The following LRP1B variants were observed in gnomAD, a reference collection of about 807,000 sequenced individuals.
The protein encoded by LRP1B is low-density lipoprotein receptor-related protein 1B.
In LRP1B, 217 loss-of-function variants were observed where a neutral mutation model predicts 556.6. The ratio of observed to expected loss-of-function variants is 0.39; its 90% CI spans 0.35 to 0.44. The LOEUF is 0.44. Ranked by LOEUF, LRP1B falls within the 20% of genes least tolerant of loss-of-function variation. The pLI is 1.00. For missense variants in LRP1B, 5,053 were observed against 5,620.8 expected (o/e 0.90, Z 3.23); for synonymous variants, 2,047 against 1,865.8 (o/e 1.10, Z -2.50).
chr2:140,748,792 T>TGA (rs1559094686), intron 35 of LRP1B, among the ~76,000 whole-genome samples: 3 of 48,642 alleles, frequency 6.2e-5, no homozygotes, highest in Non-Finnish European at 1.3e-4. Flanking sequence ...ATAATATATA[T>TGA]TATATACATA....
chr2:140,843,066 TG>T (rs139434582), intron 29 of LRP1B, among the ~76,000 whole-genome samples: 82,415 of 103,906 alleles, frequency 0.79, 34,185 homozygotes, highest in East Asian at 0.97. Context: ...GTTTTTTTTT[TG>T]TTTTTTTTTT....
At chr2:141,637,269 G>A (rs1417919480) in intron 2 of LRP1B, among the ~76,000 whole-genome samples, 2 of 152,220 alleles carry the variant, frequency 1.3e-5, no homozygotes, top group East Asian at 1.9e-4. Context: ...TAAAGTAACC[G>A]AGGAATATCA....
At chr2:141,111,636 T>G (rs1378187546) in intron 7 of LRP1B, among the ~76,000 whole-genome samples, 1 of 152,070 alleles carries the variant, frequency 6.6e-6, no homozygotes, top group Non-Finnish European at 1.5e-5. Context: ...CTTATACAAA[T>G]ATAAAATCCA....
intron 57 of LRP1B, among the ~76,000 whole-genome samples, chr2:140,490,416 T>C (rs1573997589): frequency 6.6e-6 from 1 of 152,126 alleles, no homozygotes; most frequent in Non-Finnish European, 1.5e-5. Flanking sequence ...TGTTATAATT[T>C]TATGCAATAA....
chr2:141,169,136 A>G (rs79700219), intron 7 of LRP1B, among the ~76,000 whole-genome samples: 2,891 of 151,708 alleles, frequency 0.019, 80 homozygotes, highest in African/African-American at 0.067. Context: ...AAATACAAAA[A>G]TTAGCTGGGT....
At chr2:142,121,245 A>C (rs1054313906) in intron 1 of LRP1B, among the ~76,000 whole-genome samples, 8 of 152,138 alleles carry the variant, frequency 5.3e-5, no homozygotes, top group African/African-American at 1.9e-4. Context: ...TGGATTCATC[A>C]TTTCCCTTCT....
At chr2:141,483,464 T>C (rs113170525) in intron 2 of LRP1B, among the ~76,000 whole-genome samples, 14,977 of 76,132 alleles carry the variant, frequency 0.2, 2,019 homozygotes, top group Non-Finnish European at 0.22. Flanking sequence ...TTATAATCCT[T>C]TGGGTATATA....
chr2:141,269,300 T>C (rs1685002197), intron 3 of LRP1B, among the ~76,000 whole-genome samples: 1 of 152,188 alleles, frequency 6.6e-6, no homozygotes, highest in South Asian at 2.1e-4. Flanking sequence ...GAGGAACCAC[T>C]GTGGGTTTAG....
At position 140,503,198 on chromosome 2, in the gene LRP1B, T is replaced by G. The variant is rs546115222; in HGVS notation, c.8522-95A>C. ...GTACACTACACCGGATTAATGTGGA[T>G]TACTCATGTCTCCCATGAGAAATAT... On this transcript the variant is annotated intron_variant, in intron 53 of 90. Transcript: ENST00000389484. 7.8e-6 allele frequency: 8 copies of G among 1,025,630 alleles called. No homozygotes were observed. The East Asian group carries it at 1.9e-4, about 25-fold the overall frequency. 63.5% of individuals were successfully genotyped at this position (1,025,630 alleles called of 1,614,324 possible).
intron 79 of LRP1B, among the ~76,000 whole-genome samples, chr2:140,332,942 A>G (rs1680886199): frequency 6.6e-6 from 1 of 152,212 alleles, no homozygotes; most frequent in African/African-American, 2.4e-5. Context: ...GTATTTTAAA[A>G]ATAAAAACTG....
At chr2:141,956,040 TA>T (rs5834882) in intron 1 of LRP1B, among the ~76,000 whole-genome samples, 56,622 of 149,592 alleles carry the variant, frequency 0.38, 11,456 homozygotes, top group Admixed American at 0.5. Context: ...CCACATCTCT[TA>T]AAAAAAAAAA....
intron 35 of LRP1B, among the ~76,000 whole-genome samples, chr2:140,745,277 C>T (rs1192244948): frequency 2.6e-5 from 4 of 152,066 alleles, no homozygotes; most frequent in Non-Finnish European, 4.4e-5. Context: ...AAGGTAAACC[C>T]TTTCAAAGTA....
At position 140,371,604 on chromosome 2, in the gene LRP1B, T is replaced by A. The variant is rs570130527; in HGVS notation, c.10769-319A>T. Among the ~76,000 whole-genome samples the A allele has an allele frequency of 2.3e-4, 30 of 129,178 alleles. No homozygotes were observed. In the East Asian group the frequency reaches 5.7e-3, roughly 24 times the overall value. 84.7% of individuals were successfully genotyped at this position (129,178 alleles called of 152,430 possible). ...CCTTCATCCCTTTGATTTTGAAGTG[T>A]TACATGAGTTTTTTTTTTTACAATT... On this transcript the variant is annotated intron_variant, in intron 69 of 90. Coordinates refer to ENST00000389484, the MANE Select transcript of LRP1B (RefSeq NM_018557.3).
chr2:141,549,532 G>A (rs1685674318), intron 2 of LRP1B, among the ~76,000 whole-genome samples: 1 of 152,080 alleles, frequency 6.6e-6, no homozygotes, highest in African/African-American at 2.4e-5. Flanking sequence ...TACTTCCTCA[G>A]CCTTAGCAAG....
At chr2:140,821,140 G>A (rs1573763428) in intron 31 of LRP1B, among the ~76,000 whole-genome samples, 1 of 152,100 alleles carries the variant, frequency 6.6e-6, no homozygotes, top group Non-Finnish European at 1.5e-5. Context: ...AATTATCAGT[G>A]ATTTTTTTCC....
intron 11 of LRP1B, among the ~76,000 whole-genome samples, chr2:141,026,380 A>C (rs946757159): frequency 2.0e-5 from 3 of 152,124 alleles, no homozygotes; most frequent in African/African-American, 7.2e-5. Flanking sequence ...GATAATGTTT[A>C]CTGAACTTTA....
At chr2:141,936,931 A>G (rs1700651510) in intron 1 of LRP1B, among the ~76,000 whole-genome samples, 1 of 151,136 alleles carries the variant, frequency 6.6e-6, no homozygotes, top group Non-Finnish European at 1.5e-5. Context: ...ACTTTCCACC[A>G]TAGTATTTAA....
intron 32 of LRP1B, among the ~76,000 whole-genome samples, chr2:140,786,159 T>C (rs1307083908): frequency 6.6e-6 from 1 of 152,210 alleles, no homozygotes; most frequent in Admixed American, 6.5e-5. Context: ...ATTAGATGCC[T>C]GCTTAATTTT....
chr2:141,457,825 GGAA>G (rs1385713372), intron 3 of LRP1B, among the ~76,000 whole-genome samples: 8 of 152,126 alleles, frequency 5.3e-5, no homozygotes, highest in Non-Finnish European at 1.2e-4. Context: ...GGAAGCCCAG[GGAA>G]GAAGAAGCAC....
Sources: gnomAD v4.1 joint callset for allele counts (sites outside exome capture counted in the v4.1 genomes callset) on GRCh38, gnomAD v4.1.1 for gene constraint, MANE v1.5 for transcripts, NCBI Gene and HGNC (gene_info 2026-07-23, HGNC 2026-07-21) for gene names.